ABTB3: variants seen among roughly 807,000 people sequenced by gnomAD.
The protein encoded by ABTB3 is ankyrin repeat- and BTB/POZ domain-containing protein 3.
At chr12:107,526,589 C>A in the ABTB3 span, among the ~76,000 whole-genome samples, 2 of 152,040 alleles carry the variant, frequency 1.3e-5, no homozygotes, top group Admixed American at 1.3e-4. Context: ...CCAGTTAAAC[C>A]CCCAGCTGAC....
At chr12:107,596,848 C>T in the ABTB3 span, among the ~76,000 whole-genome samples, 1 of 152,134 alleles carries the variant, frequency 6.6e-6, no homozygotes, top group African/African-American at 2.4e-5. Flanking sequence ...CAGAGTGTAG[C>T]TTTCCCCGTG....
chr12:107,519,325 C>CTTTTTTTTTTTTTTTTT, the ABTB3 span, among the ~76,000 whole-genome samples: 1 of 120,736 alleles, frequency 8.3e-6, no homozygotes, highest in Admixed American at 9.3e-5. Context: ...TTCTTTTTTT[C>CTTTTTTTTTTTTTTTTT]TTTTTCTTTT....
chr12:107,548,431 G>C, the ABTB3 span, among the ~76,000 whole-genome samples: 1 of 152,182 alleles, frequency 6.6e-6, no homozygotes, highest in Non-Finnish European at 1.5e-5. Context: ...AGCCTTTCTT[G>C]GCTGAGGTAT....
chr12:107,622,986 G>C, the ABTB3 span, among the ~76,000 whole-genome samples: 2 of 151,720 alleles, frequency 1.3e-5, no homozygotes, highest in African/African-American at 4.8e-5. Flanking sequence ...AGTGTCTCTA[G>C]ACTTCCCCAG....
chr12:107,451,249 C>T, the ABTB3 span, among the ~76,000 whole-genome samples: 3 of 152,188 alleles, frequency 2.0e-5, no homozygotes, highest in Non-Finnish European at 2.9e-5. Flanking sequence ...ACTTTGATAG[C>T]TCTTTTCAAC....
At chr12:107,533,037 A>G in the ABTB3 span, among the ~76,000 whole-genome samples, 1 of 152,212 alleles carries the variant, frequency 6.6e-6, no homozygotes, top group Non-Finnish European at 1.5e-5. Flanking sequence ...GGAGCCCTAC[A>G]TCTGAAAGTA....
the ABTB3 span, among the ~76,000 whole-genome samples, chr12:107,537,064 G>A: frequency 3.7e-4 from 56 of 152,108 alleles, no homozygotes; most frequent in African/African-American, 9.9e-4. Context: ...ATGAAATCCT[G>A]TCATTTATGG....
At chr12:107,451,933 G>A in the ABTB3 span, among the ~76,000 whole-genome samples, 1 of 152,224 alleles carries the variant, frequency 6.6e-6, no homozygotes, top group Non-Finnish European at 1.5e-5. Flanking sequence ...CAGCCAAGCT[G>A]AGTGGGAAGC....
the ABTB3 span, among the ~76,000 whole-genome samples, chr12:107,429,239 A>G: frequency 3.3e-5 from 5 of 152,130 alleles, no homozygotes; most frequent in Non-Finnish European, 7.4e-5. Context: ...GAGCCTGCGA[A>G]ATGGGTAGGA....
At chr12:107,618,474 CA>C in the ABTB3 span, 5 of 1,048,256 alleles carry the variant, frequency 4.8e-6, no homozygotes, top group Non-Finnish European at 6.8e-6. Flanking sequence ...CATACACATG[CA>C]AAACACGCAC....
At chr12:107,552,908 A>G in the ABTB3 span, among the ~76,000 whole-genome samples, 1 of 152,212 alleles carries the variant, frequency 6.6e-6, no homozygotes, top group East Asian at 1.9e-4. Context: ...GTAAGTGCTC[A>G]ATAAATACTT....
chr12:107,617,051 C>G, the ABTB3 span: 1 of 1,594,724 alleles, frequency 6.3e-7, no homozygotes, highest in Non-Finnish European at 8.6e-7. Flanking sequence ...CACAGTGTAT[C>G]TCCTCTCACC....
the ABTB3 span, among the ~76,000 whole-genome samples, chr12:107,550,506 A>C: frequency 1.3e-5 from 2 of 151,348 alleles, no homozygotes; most frequent in Non-Finnish European, 2.9e-5. Flanking sequence ...AAAAAAAAAA[A>C]AAATGAAAAA....
At chr12:107,581,036 G>C in the ABTB3 span, 24 of 1,551,082 alleles carry the variant, frequency 1.5e-5, no homozygotes, top group East Asian at 5.6e-4. Context: ...GCGGGGTGTG[G>C]GCTGGGGAGT....
chr12:107,637,784 TTTTGTGTG>T, the ABTB3 span, among the ~76,000 whole-genome samples: 24 of 94,812 alleles, frequency 2.5e-4, no homozygotes, highest in African/African-American at 1.0e-3. Flanking sequence ...AGAGCACTGA[TTTTGTGTG>T]TGTGTGTGTG....
the ABTB3 span, among the ~76,000 whole-genome samples, chr12:107,642,758 AC>A: frequency 1.3e-5 from 2 of 152,096 alleles, no homozygotes; most frequent in African/African-American, 4.8e-5. Context: ...GTCTAAATCT[AC>A]CCCAATTAGG....
chr12:107,401,981 T>A, the ABTB3 span, among the ~76,000 whole-genome samples: 40 of 143,554 alleles, frequency 2.8e-4, 2 homozygotes, highest in African/African-American at 9.5e-4. Flanking sequence ...CTCAGAAGCC[T>A]CCCTGCCTGT....
At chr12:107,620,015 G>A in the ABTB3 span, 1 of 1,613,854 alleles carries the variant, frequency 6.2e-7, no homozygotes, top group Non-Finnish European at 8.5e-7. Flanking sequence ...CACGTGGCTG[G>A]AGTCTTTGCG....
chr12:107,558,443 T>A, the ABTB3 span, among the ~76,000 whole-genome samples: 2 of 152,300 alleles, frequency 1.3e-5, no homozygotes, highest in South Asian at 4.1e-4. Flanking sequence ...TTAACAGTAG[T>A]TAAATATTTA....
Sources: allele counts gnomAD v4.1 joint callset (sites outside exome capture counted in the v4.1 genomes callset), GRCh38; gene constraint gnomAD v4.1.1; transcripts MANE v1.5; gene names NCBI Gene and HGNC (gene_info 2026-07-23, HGNC 2026-07-21).